The following RARB variants were observed in gnomAD, a reference collection of about 807,000 sequenced individuals.
RARB encodes the protein retinoic acid receptor beta.
RARB carries 17 observed loss-of-function variants against 51.9 expected under a neutral mutation model. The observed-to-expected ratio is 0.33, with a 90% CI of 0.22 to 0.49. The LOEUF is 0.49. Ranked by LOEUF, RARB falls within the 20% of genes least tolerant of loss-of-function variation. The pLI is 0.99. For missense variants in RARB, 369 were observed against 550.8 expected (o/e 0.67, Z 3.30); for synonymous variants, 215 against 195.4 (o/e 1.10, Z -0.84).
At chr3:25,559,132 T>A (rs1279599710) in intron 3 of RARB, among the ~76,000 whole-genome samples, 1 of 152,184 alleles carries the variant, frequency 6.6e-6, no homozygotes, top group African/African-American at 2.4e-5. Flanking sequence ...AATTCCATCA[T>A]GTAGCCACGT....
chr3:24,885,240 T>C (rs1440635301), intron 2 of RARB, among the ~76,000 whole-genome samples: 1 of 151,910 alleles, frequency 6.6e-6, no homozygotes, highest in African/African-American at 2.4e-5. Flanking sequence ...AGAGATTGAG[T>C]TGCAGTATAA....
chr3:24,980,497 C>T (rs935548578), intron 2 of RARB, among the ~76,000 whole-genome samples: 13 of 152,132 alleles, frequency 8.5e-5, no homozygotes, highest in African/African-American at 3.1e-4. Flanking sequence ...TGTCTTCTCA[C>T]TTTATTTAAT....
rs544265436 is a variant in RARB at position 25,214,202 on chromosome 3, C to T, written c.178+39627C>T. On this transcript the variant is annotated intron_variant, in intron 5 of 11. Coordinates refer to the RARB transcript ENST00000383772. ...CACTCTAGTGGGGCCCTATCCTTGG[C>T]TTCTTTGCTTTCTCACTCTGTGCTG... Among the ~76,000 whole-genome samples the T allele has an allele frequency of 2.0e-5, 3 of 152,290 alleles. No individual in the cohort carries two copies. In the East Asian group the frequency reaches 5.8e-4, roughly 29 times the overall value.
intron 5 of RARB, among the ~76,000 whole-genome samples, chr3:25,232,374 C>T (rs1360736379): frequency 6.6e-6 from 1 of 152,022 alleles, no homozygotes; most frequent in Non-Finnish European, 1.5e-5. Flanking sequence ...TTCTGAAAGT[C>T]ATTGCATTGA....
intron 5 of RARB, among the ~76,000 whole-genome samples, chr3:25,260,733 T>C (rs781401321): frequency 1.3e-5 from 2 of 152,172 alleles, no homozygotes; most frequent in Non-Finnish European, 2.9e-5. Context: ...CTAATCTCAA[T>C]ATTCATACCA....
rs565571162 is a variant in RARB at position 25,228,943 on chromosome 3, C to T, written c.178+54368C>T. ...CTCTTTTTTCCTTGTTTCTTTGTTT[C>T]GCCTCCTCTACAATATGCTCTCCTT... On this transcript the variant is annotated intron_variant, in intron 5 of 11. Transcript: ENST00000383772. 1.1e-4 allele frequency among the ~76,000 whole-genome samples: 17 copies of T among 152,138 alleles called. No individual in the cohort carries two copies. In the South Asian group the frequency reaches 1.9e-3, roughly 17 times the overall value.
At chr3:25,375,040 T>C (rs1447532113) in intron 5 of RARB, among the ~76,000 whole-genome samples, 1 of 151,696 alleles carries the variant, frequency 6.6e-6, no homozygotes, top group Non-Finnish European at 1.5e-5. Context: ...ACTGAAAACT[T>C]AAAGCGAGAG....
chr3:24,861,332 T>A (rs966228257), intron 2 of RARB, among the ~76,000 whole-genome samples: 20 of 152,168 alleles, frequency 1.3e-4, no homozygotes, highest in African/African-American at 4.1e-4. Context: ...AATTTTGGTA[T>A]CTTCGGGGAG....
intron 2 of RARB, among the ~76,000 whole-genome samples, chr3:24,869,886 A>G (rs1028337303): frequency 1.3e-5 from 2 of 152,070 alleles, no homozygotes; most frequent in Non-Finnish European, 2.9e-5. Context: ...TGAGTATTCC[A>G]GTTGTTTTAT....
In RARB at chr3:25,461,234, A is replaced by G; in HGVS notation, c.199A>G (p.Ser67Gly). 2 of 1,613,902 alleles carry G rather than the reference A, an allele frequency of 1.2e-6. No homozygotes were observed. The highest frequency in any genetic ancestry group is 1.7e-6 in the Non-Finnish European group (2 of 1,179,930). The change falls in exon 2 of 8, where the codon AGC (serine) becomes GGC (glycine). Residue 67 changes from serine to glycine, a missense_variant. Transcript: ENST00000330688. ...CACCAGCTCTGAGGAACTCGTCCCA[A>G]GCCCCCCATCTCCACTTCCTCCCCC... The part of the protein sequence containing the change: ...QSTSSEELVP[S>G]PPSPLPPPRV...
chr3:25,499,507 C>T (rs1043095361), intron 2 of RARB, among the ~76,000 whole-genome samples: 6 of 152,274 alleles, frequency 3.9e-5, no homozygotes, highest in East Asian at 1.9e-4. Flanking sequence ...TATGTAGAAA[C>T]GGGGAAGACA....
chr3:25,507,446 C>G (rs1697666078), intron 3 of RARB, among the ~76,000 whole-genome samples: 1 of 152,198 alleles, frequency 6.6e-6, no homozygotes, highest in Non-Finnish European at 1.5e-5. Flanking sequence ...ATGAGAGAAA[C>G]ATTGGTATTG....
intron 5 of RARB, among the ~76,000 whole-genome samples, chr3:25,585,183 G>A (rs1490404588): frequency 6.6e-6 from 1 of 152,156 alleles, no homozygotes; most frequent in Non-Finnish European, 1.5e-5. Context: ...GCTCTAGAAA[G>A]CATGAAATGA....
At chr3:25,177,411 G>C (rs1310367369) in intron 5 of RARB, among the ~76,000 whole-genome samples, 1 of 152,174 alleles carries the variant, frequency 6.6e-6, no homozygotes, top group African/African-American at 2.4e-5. Context: ...GACCAACGTG[G>C]AATAAAAAGG....
intron 5 of RARB, among the ~76,000 whole-genome samples, chr3:25,367,168 C>T (rs1439168549): frequency 3.3e-5 from 5 of 152,188 alleles, no homozygotes; most frequent in Non-Finnish European, 4.4e-5. Context: ...AAGCAAAAGA[C>T]AGACATGCTT....
chr3:25,378,598 T>C lies in RARB; in HGVS notation c.179-82595T>C, dbSNP rs564410954. 2.0e-5 allele frequency among the ~76,000 whole-genome samples: 3 copies of C among 152,342 alleles called. No homozygotes were observed. In the South Asian group the frequency reaches 6.2e-4, roughly 32 times the overall value. On this transcript the variant is annotated intron_variant, in intron 5 of 11. Transcript: ENST00000383772. ...CTCTGTATGTTCTCTGCTATCATCA[T>C]AAAACCCAACACGGTTTTAATTTTT...
chr3:25,207,971 A>G (rs911036477), intron 5 of RARB, among the ~76,000 whole-genome samples: 4 of 152,010 alleles, frequency 2.6e-5, no homozygotes, highest in Non-Finnish European at 4.4e-5. Context: ...GGCAGAAAGC[A>G]AAGCAGGAGC....
At chr3:25,568,823 G>T (rs1473425359) in intron 3 of RARB, among the ~76,000 whole-genome samples, 4 of 152,218 alleles carry the variant, frequency 2.6e-5, no homozygotes, top group Non-Finnish European at 5.9e-5. Context: ...CCTGGAGGGG[G>T]TGGCATGGTC....
intron 5 of RARB, among the ~76,000 whole-genome samples, chr3:25,184,140 T>TC (rs1700922957): frequency 6.6e-6 from 1 of 151,920 alleles, no homozygotes. Context: ...TTTGTTGTTT[T>TC]TTTTTTCTAG....
Sources: allele counts gnomAD v4.1 joint callset (sites outside exome capture counted in the v4.1 genomes callset), GRCh38; gene constraint gnomAD v4.1.1; transcripts MANE v1.5; gene names NCBI Gene and HGNC (gene_info 2026-07-23, HGNC 2026-07-21).